The following BRWD3 variants were observed in gnomAD, a reference collection of about 807,000 sequenced individuals.
BRWD3 encodes bromodomain and WD repeat domain containing 3.
A neutral mutation model predicts 149.7 loss-of-function variants in BRWD3; 10 were observed. That is an observed-to-expected ratio of 0.07 (90% CI 0.04 to 0.11). The LOEUF (loss-of-function observed/expected upper bound fraction) is 0.11. Among genes scored for constraint, BRWD3 ranks in the 10% least tolerant of loss-of-function variants. The pLI is 1.00. For synonymous variants in BRWD3, 504 were observed against 456.7 expected (o/e 1.10, Z -1.32); for missense variants, 940 against 1,373.2 (o/e 0.68, Z 4.99).
chrX:80,733,232 A>T (rs2073359070), intron 12 of BRWD3: 1 of 333,714 alleles, frequency 3.0e-6, no homozygotes, highest in South Asian at 8.2e-5. Flanking sequence ...AGCAAAATAA[A>T]CAAAGAAGAA....
At chrX:80,807,260 G>A (rs2074356958) in intron 4 of BRWD3, among the ~76,000 whole-genome samples, 1 of 111,642 alleles carries the variant, frequency 9.0e-6, no homozygotes, top group Admixed American at 9.5e-5. Context: ...TAATAATACA[G>A]ATGGTCGAGT....
intron 6 of BRWD3, 40 bp downstream of exon 6, chrX:80,791,814 A>C: frequency 3.0e-6 from 3 of 1,016,203 alleles, no homozygotes; most frequent in Non-Finnish European, 4.2e-6. Flanking sequence ...GGAAGGAAAG[A>C]ATCAACAATC....
chrX:80,787,301 A>G (rs1436116139), intron 6 of BRWD3, among the ~76,000 whole-genome samples: 1 of 111,744 alleles, frequency 8.9e-6, no homozygotes, highest in Non-Finnish European at 1.9e-5. Context: ...AAATGTCTCT[A>G]TACATTCAGT....
rs2072312577 is a variant in BRWD3 at position 80,670,197 on chromosome X, ATT to A, written c.*6410_*6411del. Among the ~76,000 whole-genome samples the A allele has an allele frequency of 9.0e-6, 1 of 110,854 alleles. No individual in the cohort carries two copies. The highest frequency in any genetic ancestry group is 3.3e-5 in the African/African-American group (1 of 30,507). ...TAAAAAGTTTACTTCATTTAATATT[ATT>A]GTTTGATCTACCTGTGTTTTGTAGC... On this transcript the variant is annotated 3_prime_UTR_variant, in exon 41 of 41. Transcript: ENST00000373275.
chrX:80,757,964 G>T (rs1459959795), intron 6 of BRWD3, among the ~76,000 whole-genome samples: 1 of 112,084 alleles, frequency 8.9e-6, no homozygotes, highest in African/African-American at 3.2e-5. Flanking sequence ...ACTTTGGGAG[G>T]CCAAGGGAGT....
chrX:80,789,947 G>A lies in BRWD3; in HGVS notation c.430+1907C>T, dbSNP rs1202381611. On this transcript the variant is annotated intron_variant, in intron 6 of 40. Transcript: ENST00000373275. ...TAATCCCAGCACTCTGGGAGACCAAGGCGGGTGGATCACTTGAGGCCAGGA... is the reference window on the plus strand; with the variant it reads ...TAATCCCAGCACTCTGGGAGACCAAAGCGGGTGGATCACTTGAGGCCAGGA... 1.8e-4 allele frequency among the ~76,000 whole-genome samples: 19 copies of A among 107,165 alleles called. No homozygotes were observed. In the Admixed American group the frequency reaches 1.9e-3, roughly 11 times the overall value. 93.1% of individuals were successfully genotyped at this position (107,165 alleles called of 115,157 possible).
chrX:80,780,945 T>A (rs1217689589), intron 6 of BRWD3, among the ~76,000 whole-genome samples: 1 of 111,945 alleles, frequency 8.9e-6, no homozygotes, highest in Non-Finnish European at 1.9e-5. Flanking sequence ...CACCTCCAAG[T>A]GAATTCTGGC....
At chrX:80,706,484 T>G (rs1346569232) in intron 22 of BRWD3, among the ~76,000 whole-genome samples, 5 of 111,915 alleles carry the variant, frequency 4.5e-5, no homozygotes, top group Non-Finnish European at 9.4e-5. Context: ...ATTTTAAAAT[T>G]TTGTTTAAAA....
Position 80,735,197 on chromosome X carries a change from T to C in BRWD3, c.915A>G (p.Arg305=), listed in dbSNP as rs142210787. 5.4e-5 allele frequency: 65 copies of C among 1,201,059 alleles called. No individual in the cohort carries two copies. The African/African-American group carries it at 1.1e-3, about 20-fold the overall frequency. ...TCTCAGTAAATTTCACCGGGCGATC[T>C]CTAAAGATAAAAATAAGGTGTTTTT... ...WQWHVKTMKF[R]DRPVKFTERS... Residue 305 remains arginine (R), a splice_region_variant and synonymous_variant, in exon 10 of 41, where the codon AGA becomes AGG. Transcript: ENST00000373275.
In BRWD3 at chrX:80,719,497, A is replaced by T. The variant is rs2073115321; in HGVS notation, c.2036T>A (p.Val679Asp). Residue 679 changes from valine (V) to aspartate (D), a missense_variant, in exon 18 of 41, where the codon GTT becomes GAT. By Grantham distance (152) the Val-to-Asp change is radical. Coordinates refer to ENST00000373275, the MANE Select transcript of BRWD3 (RefSeq NM_153252.5). ...AGTATAAAAATACTTACCACCATTA[A>T]CAGAGTATGCTCTATTAACTGGTAA... ...PHLPVNRAYS[V>D]NGALRSPNMD... 1 of 1,205,843 alleles carries T rather than the reference A, an allele frequency of 8.3e-7. No homozygotes were observed. Among genetic ancestry groups the T allele is most frequent in the African/African-American group, 1.8e-5 (1 of 57,133 alleles).
intron 6 of BRWD3, among the ~76,000 whole-genome samples, chrX:80,753,131 T>G (rs1423612132): frequency 8.9e-6 from 1 of 112,064 alleles, no homozygotes; most frequent in Admixed American, 9.5e-5. Context: ...AATTTGCAAT[T>G]ATTTTCTCCA....
At position 80,809,633 on chromosome X, in the gene BRWD3, T is replaced by C; in HGVS notation, c.-162A>G. 1 of 447,349 alleles carries C rather than the reference T, an allele frequency of 2.2e-6. No individual in the cohort carries two copies. Among genetic ancestry groups the C allele is most frequent in the Non-Finnish European group, 4.0e-6 (1 of 252,717 alleles). 36.9% of individuals were successfully genotyped at this position (447,349 alleles called of 1,213,427 possible). On this transcript the variant is annotated 5_prime_UTR_variant, in exon 1 of 41. Coordinates refer to ENST00000373275, the MANE Select transcript of BRWD3 (RefSeq NM_153252.5). Reference sequence around the variant, plus strand: ...TCTCTCTCGAATTCATCGCATCACGTTTCGACCCATAGATATTCTAGCCCA... The same window carrying C: ...TCTCTCTCGAATTCATCGCATCACGCTTCGACCCATAGATATTCTAGCCCA...
chrX:80,754,691 T>C (rs2073715581), intron 6 of BRWD3, among the ~76,000 whole-genome samples: 1 of 111,960 alleles, frequency 8.9e-6, no homozygotes, highest in South Asian at 3.6e-4. Context: ...CTATGCCCAA[T>C]TTGTTGAGGA....
chrX:80,779,865 A>G (rs1446117999), intron 6 of BRWD3, among the ~76,000 whole-genome samples: 2 of 111,708 alleles, frequency 1.8e-5, no homozygotes, highest in African/African-American at 6.5e-5. Context: ...CACATCTCAT[A>G]ACACCAATCC....
At chrX:80,740,133 A>G (rs940832111) in intron 8 of BRWD3, among the ~76,000 whole-genome samples, 7 of 111,745 alleles carry the variant, frequency 6.3e-5, no homozygotes, top group African/African-American at 9.8e-5. Flanking sequence ...CACTGAACCC[A>G]ATTCTTGCTA....
Position 80,700,172 on chromosome X carries a change from T to C in BRWD3, c.2836-108A>G, listed in dbSNP as rs748046889. On this transcript the variant is annotated intron_variant, in intron 24 of 40. Transcript: ENST00000373275. ...TTCTGTTTGCAGAAAGAAATAATTATAATATTGAAAGACTTTATACAATAA... is the reference window on the plus strand; with the variant it reads ...TTCTGTTTGCAGAAAGAAATAATTACAATATTGAAAGACTTTATACAATAA... 7 of 588,085 alleles carry C rather than the reference T, an allele frequency of 1.2e-5. 1 individual carries two copies. The highest frequency in any genetic ancestry group is 1.1e-4 in the South Asian group (4 of 36,393). The allele number at this position is 588,085 out of a possible 1,213,427, so 48.5% of individuals were successfully genotyped here.
chrX:80,724,281 GAC>G (rs779932321), intron 15 of BRWD3, among the ~76,000 whole-genome samples: 9 of 111,643 alleles, frequency 8.1e-5, no homozygotes, highest in Non-Finnish European at 1.5e-4. Context: ...ACCAATAAAA[GAC>G]AGAGGATCTG....
In BRWD3 at chrX:80,722,582, T is replaced by C; in HGVS notation, c.1856A>G (p.Gln619Arg). 8.3e-7 allele frequency: 1 copy of C among 1,210,601 alleles called. No individual in the cohort carries two copies. Among genetic ancestry groups the C allele is most frequent in the Non-Finnish European group, 1.1e-6 (1 of 894,360 alleles). ...ENCKDEQLIPQLGYVANGDGE... is the reference protein window; with the variant it reads ...ENCKDEQLIPRLGYVANGDGE... Reference sequence around the variant, plus strand: ...CATACCATTAGCCACATATCCCAGCTGTGGTATAAGCTGTTCATCTTTACA... The same window carrying C: ...CATACCATTAGCCACATATCCCAGCCGTGGTATAAGCTGTTCATCTTTACA... The change falls in exon 17 of 41, where the codon CAG becomes CGG. Residue 619 changes from glutamine to arginine, a missense_variant. By Grantham distance (43) the Gln-to-Arg change is conservative. Coordinates refer to ENST00000373275, the MANE Select transcript of BRWD3 (RefSeq NM_153252.5).
Position 80,719,511 on chromosome X carries a change from A to G in BRWD3, c.2022T>C (p.Asn674=), listed in dbSNP as rs1342616928. ...TACCACCATTAACAGAGTATGCTCT[A>G]TTAACTGGTAAATGTGGAACATCTC... The part of the protein sequence containing the change: ...NEGDVPHLPV[N]RAYSVNGALR... Residue 674 remains asparagine (N), a synonymous_variant, in exon 18 of 41, where the codon AAT becomes AAC. Transcript: ENST00000373275. 1.7e-6 allele frequency: 2 copies of G among 1,205,487 alleles called. No homozygotes were observed. Among genetic ancestry groups the G allele is most frequent in the African/African-American group, 1.8e-5 (1 of 57,104 alleles).
Sources: allele counts gnomAD v4.1 joint callset (sites outside exome capture counted in the v4.1 genomes callset), GRCh38; gene constraint gnomAD v4.1.1; transcripts MANE v1.5; gene names NCBI Gene and HGNC (gene_info 2026-07-23, HGNC 2026-07-21).